Variants in SLFN5 observed in about 807,000 individuals in gnomAD.
SLFN5 encodes the protein schlafen family member 5.
SLFN5 carries 34 observed loss-of-function variants against 48.5 expected under a neutral mutation model. The observed-to-expected ratio is 0.70, with a 90% CI of 0.53 to 0.93. SLFN5 has a LOEUF of 0.93. Ranked by LOEUF, SLFN5 falls within the 40% of genes least tolerant of loss-of-function variation. The probability of loss-of-function intolerance (pLI) is 0.00; values close to 1 mark genes in which losing one functional copy is unlikely to be tolerated. For synonymous variants in SLFN5, 387 were observed against 396.2 expected, an observed-to-expected ratio of 0.98 and a Z score of 0.28; for missense variants, 1,006 against 1,071.3, an observed-to-expected ratio of 0.94 and a Z score of 0.85.
chr17:35,253,879 G>A (rs186324980), intron 1 of SLFN5, among the ~76,000 whole-genome samples: 14 of 151,308 alleles, frequency 9.3e-5, no homozygotes, highest in Admixed American at 5.9e-4. Flanking sequence ...TGTATTTTTC[G>A]TAGAGATGGG....
chr17:35,265,324 A>C lies in SLFN5; in HGVS notation c.2112A>C (p.Pro704=), dbSNP rs182014959. 8.7e-6 allele frequency: 14 copies of C among 1,614,180 alleles called. No homozygotes were observed. The highest frequency in any genetic ancestry group is 1.2e-5 in the Non-Finnish European group (14 of 1,180,038). ...SGLPPPSDQY[P]REEINRVVRN... is the part of the protein sequence containing the mutation. ...TCCCCCCTCCCTCAGACCAGTATCC[A>C]AGAGAAGAGATCAACAGAGTGGTCC... The change falls in exon 5 of 5, where the codon CCA becomes CCC. Residue 704 remains proline (P), a synonymous_variant. Transcript: ENST00000299977.
chr17:35,273,644 A>AT lies in SLFN5; in HGVS notation c.*7758dup, dbSNP rs1904888989. On this transcript the variant is annotated 3_prime_UTR_variant, in exon 5 of 5. Coordinates refer to ENST00000299977, the MANE Select transcript of SLFN5 (RefSeq NM_144975.4). ...TTTTTTTAAATAAAAGAAATGCAAT[A>AT]TTGCAATTAAATTTGTGTTCTTCTT... is the stretch of plus-strand genomic sequence containing the variant. The AT allele has an allele frequency of 6.6e-6, 1 of 152,154 alleles. No homozygotes were observed. The highest frequency in any genetic ancestry group is 1.9e-4 in the East Asian group (1 of 5,200). 9.4% of individuals were successfully genotyped at this position (152,154 alleles called of 1,614,324 possible).
chr17:35,249,313 A>T (rs1179833596), intron 1 of SLFN5, among the ~76,000 whole-genome samples: 2 of 152,352 alleles, frequency 1.3e-5, no homozygotes, highest in East Asian at 3.9e-4. Context: ...TTCCCAATCA[A>T]CCACCTATTG....
intron 1 of SLFN5, among the ~76,000 whole-genome samples, chr17:35,251,409 G>GT (rs1206401749): frequency 6.6e-6 from 1 of 151,886 alleles, no homozygotes; most frequent in Non-Finnish European, 1.5e-5. Flanking sequence ...TTTTTTGTTT[G>GT]TTTTTTTGTT....
Position 35,243,077 on chromosome 17 carries a change from C to T in SLFN5, c.-107C>T, listed in dbSNP as rs1313252023. The T allele has an allele frequency of 1.3e-5, 2 of 152,324 alleles. No individual in the cohort carries two copies. Among genetic ancestry groups the T allele is most frequent in the African/African-American group, 2.4e-5 (1 of 41,464 alleles). 9.4% of individuals were successfully genotyped at this position (152,324 alleles called of 1,614,324 possible). On this transcript the variant is annotated 5_prime_UTR_variant, in exon 1 of 5. Coordinates refer to ENST00000299977, the MANE Select transcript of SLFN5 (RefSeq NM_144975.4). Reference sequence around the variant, plus strand: ...GGATCCCGCCGGGTCAGGTTCTCTGCTCTGGACTTGGGAGGCTCCGTTGCC... The same window carrying T: ...GGATCCCGCCGGGTCAGGTTCTCTGTTCTGGACTTGGGAGGCTCCGTTGCC...
Position 35,264,486 on chromosome 17 carries a change from A to G in SLFN5, c.1442A>G (p.Lys481Arg), listed in dbSNP as rs1251620556. The G allele has an allele frequency of 6.2e-7, 1 of 1,614,040 alleles. No homozygotes were observed. Among genetic ancestry groups the G allele is most frequent in the Non-Finnish European group, 8.5e-7 (1 of 1,180,024 alleles). ...AYSLKQKLVN[K>R]GGYTGRLCIT... The stretch of plus-strand genomic sequence containing the variant: ...TCTTTGAAGCAGAAGCTGGTGAACA[A>G]AGGCGGCTACACTGGGAGGTTATGC... The change falls in exon 4 of 5, where the codon AAA becomes AGA. Residue 481 changes from lysine (K) to arginine (R), a missense_variant. By Grantham distance (26) the Lys-to-Arg change is conservative. Transcript: ENST00000299977.
chr17:35,251,703 CTTTTTTTTTTTTTTTT>C (rs34854448), intron 1 of SLFN5, among the ~76,000 whole-genome samples: 1 of 84,970 alleles, frequency 1.2e-5, no homozygotes, highest in African/African-American at 4.6e-5. Flanking sequence ...GGCGCCCGGA[CTTTTTTTTTTTTTTTT>C]TTTTTTTTTT....
chr17:35,265,090 C>G lies in SLFN5; in HGVS notation c.1878C>G (p.Ile626Met). The G allele has an allele frequency of 6.2e-7, 1 of 1,610,182 alleles. No homozygotes were observed. The highest frequency in any genetic ancestry group is 8.5e-7 in the Non-Finnish European group (1 of 1,178,278). Residue 626 changes from isoleucine to methionine, a missense_variant, in exon 5 of 5, where the codon ATC becomes ATG. By Grantham distance (10) the Ile-to-Met change is conservative (BLOSUM62 1). Transcript: ENST00000299977. ...KKLVSFSKKNICQPVTRKTFM... is the reference protein window; with the variant it reads ...KKLVSFSKKNMCQPVTRKTFM... ...CTTACAGTTTCAGCAAGAAAAACAT[C>G]TGCCAGCCAGTGACCCGGAAAACCT...
At chr17:35,250,824 TTTTTAAGGCTAAATTA>T (rs1163541302) in intron 1 of SLFN5, among the ~76,000 whole-genome samples, 1 of 152,178 alleles carries the variant, frequency 6.6e-6, no homozygotes, top group Non-Finnish European at 1.5e-5. Flanking sequence ...GGACATAAAA[TTTTTAAGGCTAAATTA>T]CAATTTTACC....
At chr17:35,254,662 C>T (rs1380950787) in intron 1 of SLFN5, among the ~76,000 whole-genome samples, 2 of 152,222 alleles carry the variant, frequency 1.3e-5, no homozygotes, top group African/African-American at 2.4e-5. Flanking sequence ...GTGTCATCAA[C>T]TTCCCTGCTC....
chr17:35,261,102 T>G lies in SLFN5; in HGVS notation c.1138+6T>G, dbSNP rs748652633. The G allele has an allele frequency of 6.2e-7, 1 of 1,612,432 alleles. No homozygotes were observed. The highest frequency in any genetic ancestry group is 8.5e-7 in the Non-Finnish European group (1 of 1,178,938). ...GCAGAAACGCTACTTTCCAGGTAATTGGCCATCTCTGGTTGCTTTGGAATA... is the reference window on the plus strand; with the variant it reads ...GCAGAAACGCTACTTTCCAGGTAATGGGCCATCTCTGGTTGCTTTGGAATA... On this transcript the variant is annotated splice_donor_region_variant and intron_variant, in intron 3 of 4. Transcript: ENST00000299977.
chr17:35,253,402 C>A (rs12950315), intron 1 of SLFN5, among the ~76,000 whole-genome samples: 52,808 of 151,730 alleles, frequency 0.35, 10,590 homozygotes, highest in Middle Eastern at 0.5. Context: ...GACAGGGTCT[C>A]CCTCTGTTGC....
chr17:35,263,811 C>CA (rs370619332), intron 3 of SLFN5, among the ~76,000 whole-genome samples: 85,556 of 122,188 alleles, frequency 0.7, 29,644 homozygotes, highest in Middle Eastern at 0.74. Context: ...GACTCCATCT[C>CA]AAAAAAAAAA....
intron 1 of SLFN5, among the ~76,000 whole-genome samples, chr17:35,250,167 A>G (rs1304065737): frequency 6.6e-6 from 1 of 152,186 alleles, no homozygotes; most frequent in Non-Finnish European, 1.5e-5. Context: ...TGCCTAACCC[A>G]CACACCATCT....
intron 1 of SLFN5, among the ~76,000 whole-genome samples, chr17:35,256,815 C>G (rs1348252652): frequency 6.6e-6 from 1 of 152,044 alleles, no homozygotes; most frequent in Non-Finnish European, 1.5e-5. Flanking sequence ...TGAAATCTGG[C>G]TTCACATACT....
At chr17:35,264,120 A>G in intron 3 of SLFN5, 63 bp from the exon 4 acceptor site, 1 of 1,510,360 alleles carries the variant, frequency 6.6e-7, no homozygotes, top group Non-Finnish European at 8.8e-7. Context: ...TCTTCTACGT[A>G]TAATGATGAT....
At chr17:35,253,221 T>A (rs2092446509) in intron 1 of SLFN5, among the ~76,000 whole-genome samples, 1 of 152,142 alleles carries the variant, frequency 6.6e-6, no homozygotes, top group Admixed American at 6.6e-5. Flanking sequence ...TACATCATCA[T>A]GACCTAATCA....
chr17:35,245,124 C>G (rs2092427779), intron 1 of SLFN5, among the ~76,000 whole-genome samples: 2 of 152,152 alleles, frequency 1.3e-5, no homozygotes, highest in African/African-American at 4.8e-5. Context: ...TGTGTTTTTT[C>G]CCTATACTTT....
intron 1 of SLFN5, among the ~76,000 whole-genome samples, chr17:35,254,555 G>A (rs1003993377): frequency 1.4e-4 from 21 of 152,212 alleles, no homozygotes; most frequent in Admixed American, 3.3e-4. Flanking sequence ...ACAGGGTTCT[G>A]TAATCATGCA....
Sources: gnomAD v4.1 joint callset for allele counts (sites outside exome capture counted in the v4.1 genomes callset) on GRCh38, gnomAD v4.1.1 for gene constraint, MANE v1.5 for transcripts, NCBI Gene and HGNC (gene_info 2026-07-23, HGNC 2026-07-21) for gene names.